The following GPR176 variants were observed in gnomAD, a reference collection of about 807,000 sequenced individuals.
GPR176 encodes G-protein coupled receptor 176.
Under a neutral mutation model 35.4 loss-of-function variants are expected in GPR176, and 26 were observed. That is an observed-to-expected ratio of 0.74 (90% CI 0.54 to 1.02). GPR176 has a LOEUF of 1.02. Among genes scored for constraint, GPR176 ranks in the 50% least tolerant of loss-of-function variants. GPR176 has a pLI of 0.00. For synonymous variants in GPR176, 278 were observed against 271.3 expected (o/e 1.02, Z -0.24); for missense variants, 597 against 665.3 (o/e 0.90, Z 1.13).
intron 1 of GPR176, among the ~76,000 whole-genome samples, chr15:39,838,703 A>G (rs185199036): frequency 6.6e-5 from 10 of 152,322 alleles, no homozygotes; most frequent in Admixed American, 2.6e-4. Flanking sequence ...AGAGCTATTT[A>G]TGACAAACCC....
intron 1 of GPR176, among the ~76,000 whole-genome samples, chr15:39,840,646 AGG>A (rs1200997834): frequency 6.6e-6 from 1 of 152,188 alleles, no homozygotes; most frequent in Non-Finnish European, 1.5e-5. Context: ...ATAAAAAAGA[AGG>A]GTAGTAAGAT....
intron 1 of GPR176, among the ~76,000 whole-genome samples, chr15:39,853,871 G>A (rs275730): frequency 0.98 from 148,543 of 152,280 alleles, 72,484 homozygotes; most frequent in Middle Eastern, 0.99. Context: ...GTTCAATAAG[G>A]GTATATAAAA....
chr15:39,860,605 C>T (rs891690867), intron 1 of GPR176, among the ~76,000 whole-genome samples: 10 of 152,204 alleles, frequency 6.6e-5, no homozygotes, highest in African/African-American at 2.2e-4. Flanking sequence ...ATCGACTATA[C>T]ATCCCATGAT....
intron 1 of GPR176, among the ~76,000 whole-genome samples, chr15:39,870,266 C>T (rs985311248): frequency 5.9e-5 from 9 of 152,132 alleles, no homozygotes; most frequent in African/African-American, 2.2e-4. Flanking sequence ...ATCTCAAGAT[C>T]CTTTATTTGA....
chr15:39,833,952 C>G (rs1901246480), intron 1 of GPR176, among the ~76,000 whole-genome samples: 1 of 152,174 alleles, frequency 6.6e-6, no homozygotes, highest in African/African-American at 2.4e-5. Context: ...AGCCATGAAA[C>G]AGGGCAGCAA....
intron 1 of GPR176, among the ~76,000 whole-genome samples, chr15:39,848,159 G>A (rs540633623): frequency 1.3e-5 from 2 of 152,244 alleles, no homozygotes; most frequent in East Asian, 3.9e-4. Flanking sequence ...TTCGACATGA[G>A]ATTTGGGTAA....
At chr15:39,847,334 A>G (rs1829269343) in intron 1 of GPR176, among the ~76,000 whole-genome samples, 1 of 152,206 alleles carries the variant, frequency 6.6e-6, no homozygotes, top group Non-Finnish European at 1.5e-5. Context: ...AGAGATTAAC[A>G]GAGGGGATCA....
chr15:39,856,661 A>C (rs1367132900), intron 1 of GPR176, among the ~76,000 whole-genome samples: 4 of 152,242 alleles, frequency 2.6e-5, no homozygotes, highest in African/African-American at 9.6e-5. Flanking sequence ...AAGAAAAGGC[A>C]AGATAATAAT....
chr15:39,806,881 T>C, intron 2 of GPR176, 125 bp downstream of exon 2: 1 of 816,684 alleles, frequency 1.2e-6, no homozygotes, highest in Non-Finnish European at 1.9e-6. Context: ...TTATTCCCTT[T>C]CTGTTGATCA....
At chr15:39,902,007 C>T (rs1211584996) in intron 1 of GPR176, among the ~76,000 whole-genome samples, 2 of 152,028 alleles carry the variant, frequency 1.3e-5, no homozygotes, top group Non-Finnish European at 2.9e-5. Context: ...TCGCTTGAAC[C>T]CAGGAGGCAG....
chr15:39,808,317 A>C (rs1171470834), intron 1 of GPR176, among the ~76,000 whole-genome samples: 1 of 151,926 alleles, frequency 6.6e-6, no homozygotes, highest in Non-Finnish European at 1.5e-5. Context: ...GCCTAATCTC[A>C]TACCTTCCTT....
intron 1 of GPR176, among the ~76,000 whole-genome samples, chr15:39,896,744 A>C (rs1336205122): frequency 2.6e-5 from 4 of 152,178 alleles, no homozygotes; most frequent in Non-Finnish European, 5.9e-5. Context: ...TCCCAGGAAC[A>C]TCATCCTCAG....
chr15:39,909,613 G>C (rs1180349841), intron 1 of GPR176, among the ~76,000 whole-genome samples: 2 of 152,090 alleles, frequency 1.3e-5, no homozygotes, highest in Non-Finnish European at 2.9e-5. Flanking sequence ...CCAAAACAAA[G>C]ACATACATTT....
chr15:39,870,962 A>G, intron 1 of GPR176, among the ~76,000 whole-genome samples: 1 of 152,110 alleles, frequency 6.6e-6, no homozygotes. Context: ...CTCAGATAAG[A>G]TTGCAGCCCC....
intron 1 of GPR176, among the ~76,000 whole-genome samples, chr15:39,899,742 G>A (rs74008994): frequency 0.012 from 1,899 of 152,268 alleles, 49 homozygotes; most frequent in African/African-American, 0.041. Context: ...AGTAGACATA[G>A]TATATCTGGC....
rs375113083 is a variant in GPR176 at position 39,856,865 on chromosome 15, C to T, written c.173-49607G>A. ...ATTGTTAGATCTGCAATATCTAGTA[C>T]TCAGTAGGTGTTCCATATGTATTTA... On this transcript the variant is annotated intron_variant, in intron 1 of 2. Transcript: ENST00000561100. 1.5e-4 allele frequency among the ~76,000 whole-genome samples: 23 copies of T among 152,268 alleles called. No homozygotes were observed. In the East Asian group the frequency reaches 1.5e-3, roughly 10 times the overall value.
chr15:39,876,841 A>G (rs2032267552), intron 1 of GPR176, among the ~76,000 whole-genome samples: 1 of 151,792 alleles, frequency 6.6e-6, no homozygotes, highest in Non-Finnish European at 1.5e-5. Flanking sequence ...AGAGAGGGAG[A>G]GAGGGAGGGA....
chr15:39,847,742 CAAAAAAAA>C (rs34896644), intron 1 of GPR176, among the ~76,000 whole-genome samples: 1 of 68,828 alleles, frequency 1.5e-5, no homozygotes, highest in South Asian at 6.6e-4. Flanking sequence ...GACTCTGTCT[CAAAAAAAA>C]AAAAAAAAAA....
At chr15:39,814,791 T>C (rs1899789863) in intron 1 of GPR176, 1 of 152,118 alleles carries the variant, frequency 6.6e-6, no homozygotes, top group Non-Finnish European at 1.5e-5. Context: ...AAAGGTTAAG[T>C]TTGTAGCGAA....
Sources: gnomAD v4.1 joint callset for allele counts (sites outside exome capture counted in the v4.1 genomes callset) on GRCh38, gnomAD v4.1.1 for gene constraint, MANE v1.5 for transcripts, NCBI Gene and HGNC (gene_info 2026-07-23, HGNC 2026-07-21) for gene names.